The following CSNK2A2IP variants were observed in gnomAD, a reference collection of about 807,000 sequenced individuals.
CSNK2A2IP encodes the protein casein kinase 2 subunit alpha' interacting protein.
chr3:88,380,488 T>C, the CSNK2A2IP span, among the ~76,000 whole-genome samples: 2 of 151,726 alleles, frequency 1.3e-5, no homozygotes, highest in East Asian at 3.9e-4. Flanking sequence ...AATATTATAT[T>C]TGATTATCTT....
At chr3:88,348,887 T>G in the CSNK2A2IP span, among the ~76,000 whole-genome samples, 8 of 152,132 alleles carry the variant, frequency 5.3e-5, no homozygotes, top group Middle Eastern at 3.4e-3. Context: ...TGCTTGTGGA[T>G]ATATCCAATT....
the CSNK2A2IP span, among the ~76,000 whole-genome samples, chr3:88,422,144 TA>T: frequency 6.6e-6 from 1 of 152,340 alleles, no homozygotes; most frequent in Non-Finnish European, 1.5e-5. Context: ...CTTTTTTTTG[TA>T]AGTAACTTTG....
the CSNK2A2IP span, among the ~76,000 whole-genome samples, chr3:88,461,849 T>C: frequency 6.6e-6 from 1 of 152,080 alleles, no homozygotes; most frequent in African/African-American, 2.4e-5. Flanking sequence ...CACTGCAGCC[T>C]CCATTCCCTG....
chr3:88,399,901 A>G, the CSNK2A2IP span: 3 of 152,234 alleles, frequency 2.0e-5, no homozygotes, highest in Non-Finnish European at 4.4e-5. Context: ...AGATTAGTAA[A>G]ATATGGCACA....
At chr3:88,372,166 G>A in the CSNK2A2IP span, among the ~76,000 whole-genome samples, 5 of 151,654 alleles carry the variant, frequency 3.3e-5, no homozygotes, top group Non-Finnish European at 3.0e-5. Flanking sequence ...CTATGGCTAT[G>A]TAAAGCCAAA....
the CSNK2A2IP span, among the ~76,000 whole-genome samples, chr3:88,444,107 A>T: frequency 2.0e-5 from 3 of 152,146 alleles, no homozygotes; most frequent in African/African-American, 7.2e-5. Context: ...ATTTTAAAAC[A>T]GAAAATACTG....
chr3:88,426,739 C>G, the CSNK2A2IP span, among the ~76,000 whole-genome samples: 1 of 152,092 alleles, frequency 6.6e-6, no homozygotes, highest in Non-Finnish European at 1.5e-5. Context: ...GCTTTGCCTT[C>G]GCCATGATTG....
the CSNK2A2IP span, among the ~76,000 whole-genome samples, chr3:88,453,491 C>T: frequency 1.3e-5 from 2 of 152,052 alleles, no homozygotes; most frequent in Admixed American, 1.3e-4. Flanking sequence ...ATACTAAATG[C>T]ATCTTCACTG....
At chr3:88,404,762 C>A in the CSNK2A2IP span, among the ~76,000 whole-genome samples, 4 of 127,846 alleles carry the variant, frequency 3.1e-5, 1 homozygote, top group Middle Eastern at 0.016. Context: ...TTCCTTTGTC[C>A]AAACATCACC....
chr3:88,397,698 A>G, the CSNK2A2IP span, among the ~76,000 whole-genome samples: 1 of 152,034 alleles, frequency 6.6e-6, no homozygotes, highest in Non-Finnish European at 1.5e-5. Flanking sequence ...TGTTTAGCAT[A>G]TATAATATTA....
chr3:88,360,646 C>T, the CSNK2A2IP span, among the ~76,000 whole-genome samples: 1,711 of 152,030 alleles, frequency 0.011, 31 homozygotes, highest in African/African-American at 0.039. Flanking sequence ...AGAAAACTTT[C>T]AATGGAATAA....
chr3:88,406,741 C>T, the CSNK2A2IP span, among the ~76,000 whole-genome samples: 1 of 152,082 alleles, frequency 6.6e-6, no homozygotes, highest in Admixed American at 6.5e-5. Context: ...AGCAAATGCA[C>T]CTGTGTAGTT....
the CSNK2A2IP span, chr3:88,465,841 T>C: frequency 1.6e-6 from 2 of 1,231,592 alleles, no homozygotes; most frequent in Non-Finnish European, 1.0e-6. Context: ...AACAACATCT[T>C]CAAGCCTAGA....
chr3:88,379,979 C>T, the CSNK2A2IP span, among the ~76,000 whole-genome samples: 14 of 151,982 alleles, frequency 9.2e-5, no homozygotes, highest in African/African-American at 2.9e-4. Context: ...CTATATTAAA[C>T]GTTATATTAT....
At chr3:88,426,416 G>A in the CSNK2A2IP span, among the ~76,000 whole-genome samples, 8 of 152,122 alleles carry the variant, frequency 5.3e-5, no homozygotes, top group Non-Finnish European at 1.2e-4. Flanking sequence ...AGACTTTCAG[G>A]TCCTTCTCCA....
At chr3:88,448,391 TTATCTC>T in the CSNK2A2IP span, among the ~76,000 whole-genome samples, 4 of 152,340 alleles carry the variant, frequency 2.6e-5, no homozygotes, top group African/African-American at 7.2e-5. Flanking sequence ...ATTTATACCT[TTATCTC>T]TATCTCTATC....
chr3:88,344,854 A>T, the CSNK2A2IP span, among the ~76,000 whole-genome samples: 2 of 152,096 alleles, frequency 1.3e-5, no homozygotes, highest in South Asian at 4.1e-4. Flanking sequence ...GAAAATGCAA[A>T]TTAATTGTGT....
chr3:88,356,349 T>C, the CSNK2A2IP span, among the ~76,000 whole-genome samples: 1 of 152,104 alleles, frequency 6.6e-6, no homozygotes, highest in African/African-American at 2.4e-5. Flanking sequence ...GAACATGTGA[T>C]ATTTGTTTTT....
At chr3:88,407,579 T>C in the CSNK2A2IP span, among the ~76,000 whole-genome samples, 1 of 152,240 alleles carries the variant, frequency 6.6e-6, no homozygotes, top group South Asian at 2.1e-4. Context: ...AGGCAAGTGG[T>C]GACAGGTGGC....
Sources: gnomAD v4.1 joint callset for allele counts (sites outside exome capture counted in the v4.1 genomes callset) on GRCh38, gnomAD v4.1.1 for gene constraint, MANE v1.5 for transcripts, NCBI Gene and HGNC (gene_info 2026-07-23, HGNC 2026-07-21) for gene names.